Variants in CDH13 observed in about 807,000 individuals in gnomAD.
CDH13 encodes cadherin-13.
In CDH13, 24 loss-of-function variants were observed where a neutral mutation model predicts 63.8. That is an observed-to-expected ratio of 0.38 (90% confidence interval 0.27 to 0.53). The LOEUF is 0.53. Ranked by LOEUF, CDH13 falls within the 20% of genes least tolerant of loss-of-function variation. The pLI is 0.85. For synonymous variants in CDH13, 503 were observed against 355.3 expected (o/e 1.42, Z -4.67); for missense variants, 1,049 against 903.1 (o/e 1.16, Z -2.07).
At chr16:82,871,898 A>G (rs1324112367) in intron 2 of CDH13, among the ~76,000 whole-genome samples, 1 of 152,220 alleles carries the variant, frequency 6.6e-6, no homozygotes, top group Non-Finnish European at 1.5e-5. Flanking sequence ...TAAAAGAGCC[A>G]GAGCATCTGT....
chr16:82,677,499 C>G (rs1914069048), intron 1 of CDH13, among the ~76,000 whole-genome samples: 1 of 145,254 alleles, frequency 6.9e-6, no homozygotes, highest in Non-Finnish European at 1.5e-5. Context: ...CACTGCTGAG[C>G]ACAATGCTGA....
intron 1 of CDH13, among the ~76,000 whole-genome samples, chr16:82,635,428 C>G (rs551143548): frequency 6.6e-6 from 1 of 152,170 alleles, no homozygotes; most frequent in African/African-American, 2.4e-5. Flanking sequence ...AGGGGAAACA[C>G]CACACAGCCA....
chr16:83,068,625 C>G (rs946715787), intron 3 of CDH13, among the ~76,000 whole-genome samples: 1 of 152,244 alleles, frequency 6.6e-6, no homozygotes, highest in Middle Eastern at 3.4e-3. Context: ...TTGCCATCAC[C>G]AAACATACTG....
intron 2 of CDH13, among the ~76,000 whole-genome samples, chr16:82,889,858 C>T (rs72790118): frequency 0.029 from 4,374 of 152,290 alleles, 81 homozygotes; most frequent in South Asian, 0.074. Context: ...TTAGGATTTT[C>T]GAGTGGGAAG....
chr16:83,606,798 G>C (rs1436340935), intron 8 of CDH13, among the ~76,000 whole-genome samples: 2 of 149,786 alleles, frequency 1.3e-5, no homozygotes, highest in Admixed American at 6.7e-5. Flanking sequence ...CAATTTCCCA[G>C]GTTCCCCTTA....
intron 5 of CDH13, among the ~76,000 whole-genome samples, chr16:83,271,177 C>T (rs1030363383): frequency 2.6e-5 from 4 of 151,860 alleles, no homozygotes; most frequent in African/African-American, 9.7e-5. Context: ...GGTCTATGCC[C>T]TATCCCCAGA....
intron 5 of CDH13, among the ~76,000 whole-genome samples, chr16:83,268,149 A>G (rs988598564): frequency 2.0e-5 from 3 of 152,214 alleles, no homozygotes; most frequent in African/African-American, 7.2e-5. Flanking sequence ...TAAACCCCTG[A>G]TCATAGTAAT....
intron 1 of CDH13, among the ~76,000 whole-genome samples, chr16:82,657,400 T>G (rs894691479): frequency 1.3e-5 from 2 of 152,182 alleles, no homozygotes; most frequent in Non-Finnish European, 2.9e-5. Flanking sequence ...TAATGGATGA[T>G]GGGTAAGATA....
intron 1 of CDH13, among the ~76,000 whole-genome samples, chr16:82,758,114 T>C (rs1411418798): frequency 6.6e-6 from 1 of 152,010 alleles, no homozygotes; most frequent in African/African-American, 2.4e-5. Context: ...GAGTATGTAG[T>C]CTCCAAGGGA....
chr16:83,137,183 G>A (rs1185660365), intron 4 of CDH13, among the ~76,000 whole-genome samples: 1 of 152,230 alleles, frequency 6.6e-6, no homozygotes, highest in Non-Finnish European at 1.5e-5. Context: ...CAGTTTAGCA[G>A]TGAGGATCAT....
At chr16:82,699,758 G>C (rs181539754) in intron 1 of CDH13, among the ~76,000 whole-genome samples, 7 of 145,318 alleles carry the variant, frequency 4.8e-5, no homozygotes, top group Non-Finnish European at 1.1e-4. Context: ...CAGAACAAAC[G>C]TAACAGGATA....
At chr16:82,902,635 C>G (rs1213004614) in intron 2 of CDH13, among the ~76,000 whole-genome samples, 2 of 151,756 alleles carry the variant, frequency 1.3e-5, no homozygotes, top group Non-Finnish European at 2.9e-5. Context: ...CCCTACAACT[C>G]TACCTATACA....
At chr16:82,878,043 T>G (rs1260682455) in intron 2 of CDH13, among the ~76,000 whole-genome samples, 1 of 151,986 alleles carries the variant, frequency 6.6e-6, no homozygotes, top group Non-Finnish European at 1.5e-5. Context: ...GTAAAATGTT[T>G]GAAAATACAT....
intron 1 of CDH13, among the ~76,000 whole-genome samples, chr16:82,667,098 T>G (rs12716950): frequency 0.62 from 94,179 of 151,514 alleles, 29,412 homozygotes; most frequent in African/African-American, 0.64. Flanking sequence ...CTTTGACTTG[T>G]GTCTTCAGAA....
At chr16:82,959,135 A>G (rs1411983610) in intron 2 of CDH13, among the ~76,000 whole-genome samples, 1 of 152,238 alleles carries the variant, frequency 6.6e-6, no homozygotes, top group Non-Finnish European at 1.5e-5. Flanking sequence ...GTTATGGCAC[A>G]TACACAACAA....
chr16:82,991,663 A>G (rs1033754760), intron 2 of CDH13, among the ~76,000 whole-genome samples: 3 of 152,190 alleles, frequency 2.0e-5, no homozygotes, highest in African/African-American at 7.2e-5. Flanking sequence ...ATCTGAAAGC[A>G]TGGTAATCTC....
chr16:82,900,566 A>G (rs780914986), intron 2 of CDH13, among the ~76,000 whole-genome samples: 1 of 152,236 alleles, frequency 6.6e-6, no homozygotes, highest in African/African-American at 2.4e-5. Flanking sequence ...TTTTCCCCGA[A>G]TAAATAAGCC....
At chr16:83,074,066 A>G (rs973434469) in intron 3 of CDH13, among the ~76,000 whole-genome samples, 1 of 152,134 alleles carries the variant, frequency 6.6e-6, no homozygotes, top group Non-Finnish European at 1.5e-5. Flanking sequence ...ACCGTACTTT[A>G]CTATTAACAT....
At chr16:82,862,933 C>G (rs2039998456) in intron 2 of CDH13, among the ~76,000 whole-genome samples, 1 of 152,132 alleles carries the variant, frequency 6.6e-6, no homozygotes, top group African/African-American at 2.4e-5. Flanking sequence ...AGCTGGCAGA[C>G]AGGGGAATAA....
Sources: allele counts gnomAD v4.1 joint callset (sites outside exome capture counted in the v4.1 genomes callset), GRCh38; gene constraint gnomAD v4.1.1; transcripts MANE v1.5; gene names NCBI Gene and HGNC (gene_info 2026-07-23, HGNC 2026-07-21).